ARHGAP39: variants seen among roughly 807,000 people sequenced by gnomAD.
The protein encoded by ARHGAP39 is rho GTPase-activating protein 39.
In ARHGAP39, 44 loss-of-function variants were observed where a neutral mutation model predicts 106.9. The observed-to-expected ratio is 0.41, with a 90% CI of 0.32 to 0.53. The LOEUF (loss-of-function observed/expected upper bound fraction) is 0.53. Ranked by LOEUF, ARHGAP39 falls within the 20% of genes least tolerant of loss-of-function variation. ARHGAP39 has a pLI of 0.21. For missense variants in ARHGAP39, 1,496 were observed against 1,577.3 expected (o/e 0.95, Z 0.87); for synonymous variants, 768 against 693.2 (o/e 1.11, Z -1.69).
upstream of ARHGAP39, among the ~76,000 whole-genome samples, chr8:144,690,212 A>G (rs555539076): frequency 6.6e-6 from 1 of 151,990 alleles, no homozygotes; most frequent in Non-Finnish European, 1.5e-5. Context: ...GCTAAGATTC[A>G]AGCGATTCTC....
chr8:144,581,847 G>A (rs531233255), intron 2 of ARHGAP39, among the ~76,000 whole-genome samples: 3 of 152,256 alleles, frequency 2.0e-5, no homozygotes, highest in Non-Finnish European at 2.9e-5. Flanking sequence ...TCAGACCCCC[G>A]CTGGGGGCAC....
In ARHGAP39 at chr8:144,548,806, G is replaced by A. The variant is rs752175898; in HGVS notation, c.597-317C>T. ...AGGGCCCTTAATGTGGGTGCTGTGCGGGTGTCTCCAGAGCTGCCTGAGCCG... is the reference window on the plus strand; with the variant it reads ...AGGGCCCTTAATGTGGGTGCTGTGCAGGTGTCTCCAGAGCTGCCTGAGCCG... On this transcript the variant is annotated intron_variant, in intron 4 of 11. Transcript: ENST00000377307. The surrounding 1 kb of genome is among the most constrained non-coding windows in gnomAD (Gnocchi z 7.4). Among the ~76,000 whole-genome samples, 63 of 152,288 alleles carry A rather than the reference G, an allele frequency of 4.1e-4. No homozygotes were observed. Among genetic ancestry groups the A allele is most frequent in the Non-Finnish European group, 7.5e-4 (51 of 68,020 alleles).
In ARHGAP39 at chr8:144,605,525, G is replaced by C; in HGVS notation, c.80+10C>G. The C allele has an allele frequency of 6.2e-7, 1 of 1,613,618 alleles. No individual in the cohort carries two copies. Among genetic ancestry groups the C allele is most frequent in the African/African-American group, 1.3e-5 (1 of 74,952 alleles). ...GCCCGGGCAGCTCCGCAGGTCGGTC[G>C]GCTCCTTACCGAGTGTTCGACCCTG... On this transcript the variant is annotated intron_variant, in intron 2 of 11. Transcript: ENST00000377307.
Position 144,653,084 on chromosome 8 carries a change from G to A in ARHGAP39, c.-82+32602C>T, listed in dbSNP as rs564693479. Reference sequence around the variant, plus strand: ...AGGCTGAGGCGGGCAGATCACCTGAGGTCAGGAGTTTGACGCCAGCCTGAT... The same window carrying A: ...AGGCTGAGGCGGGCAGATCACCTGAAGTCAGGAGTTTGACGCCAGCCTGAT... On this transcript the variant is annotated intron_variant, in intron 1 of 11. Transcript: ENST00000377307. Among the ~76,000 whole-genome samples, 4 of 152,270 alleles carry A rather than the reference G, an allele frequency of 2.6e-5. No individual in the cohort carries two copies. The South Asian group carries it at 8.3e-4, about 32-fold the overall frequency.
intron 1 of ARHGAP39, among the ~76,000 whole-genome samples, chr8:144,609,351 A>G (rs1461170943): frequency 1.3e-5 from 2 of 150,212 alleles, no homozygotes; most frequent in African/African-American, 4.9e-5. Flanking sequence ...TCTTAAACCA[A>G]TTACGTATTC....
chr8:144,662,444 C>T (rs1215629805), intron 1 of ARHGAP39, among the ~76,000 whole-genome samples: 2 of 142,370 alleles, frequency 1.4e-5, no homozygotes, highest in African/African-American at 5.3e-5. Context: ...GGCCGCTACC[C>T]GCCTCCCCAT....
intron 3 of ARHGAP39, among the ~76,000 whole-genome samples, chr8:144,557,166 C>G (rs980660247): frequency 4.2e-5 from 6 of 143,578 alleles, no homozygotes; most frequent in Admixed American, 2.0e-4. Flanking sequence ...GCTGAACCTT[C>G]GTAGTATTCA....
rs550718080 is a variant in ARHGAP39 at position 144,530,822 on chromosome 8, C to A, written c.3030G>T (p.Pro1010=). The A allele has an allele frequency of 4.3e-6, 7 of 1,611,550 alleles. No individual in the cohort carries two copies. The Admixed American group carries it at 6.7e-5, about 15-fold the overall frequency. The change falls in exon 11 of 12, where the codon CCG becomes CCT. Residue 1010 remains proline, a synonymous_variant. Transcript: ENST00000377307. The part of the protein sequence containing the change: ...WYRELEEPLI[P]HEFYEQCIAH... ...CGATGCACTGCTCGTAGAACTCGTG[C>A]GGGATCAGGGGCTCCTCCAGCTCCC...
rs770080314 is a variant in ARHGAP39, at chr8:144,646,066, G to A, written c.-82+39620C>T. Among the ~76,000 whole-genome samples the A allele has an allele frequency of 7.2e-5, 11 of 152,202 alleles. No individual in the cohort carries two copies. The highest frequency in any genetic ancestry group is 2.1e-4 in the South Asian group (1 of 4,830). On this transcript the variant is annotated intron_variant, in intron 1 of 11. Transcript: ENST00000377307. This position sits in a 1 kb window ranked among gnomAD's most constrained non-coding sequence, Gnocchi z 5.7. ...CCTGACCAGCAACCACCTGCTGGGCGTCCCCCGGAGCTGCACTGGTCACCC... is the reference window on the plus strand; with the variant it reads ...CCTGACCAGCAACCACCTGCTGGGCATCCCCCGGAGCTGCACTGGTCACCC...
At chr8:144,652,434 A>T (rs1009904785) in intron 1 of ARHGAP39, among the ~76,000 whole-genome samples, 20 of 152,178 alleles carry the variant, frequency 1.3e-4, no homozygotes, top group Admixed American at 4.6e-4. Context: ...AATATAAATC[A>T]TTCTACCATA....
In ARHGAP39 at chr8:144,591,884, C is replaced by A. The variant is rs749159396; in HGVS notation, c.81-10607G>T. Among the ~76,000 whole-genome samples the A allele has an allele frequency of 5.3e-5, 8 of 152,030 alleles. No individual in the cohort carries two copies. The highest frequency in any genetic ancestry group is 1.2e-4 in the African/African-American group (5 of 41,410). On this transcript the variant is annotated intron_variant, in intron 2 of 11. Transcript: ENST00000377307. This position sits in a 1 kb window ranked among gnomAD's most constrained non-coding sequence, Gnocchi z 5.3. Reference sequence around the variant, plus strand: ...GCGTCGCCTCGTCGCCTCGTGCCTGCGGGGAGTGCTGCCTGTGGGGAGTGG... The same window carrying A: ...GCGTCGCCTCGTCGCCTCGTGCCTGAGGGGAGTGCTGCCTGTGGGGAGTGG...
intron 4 of ARHGAP39, among the ~76,000 whole-genome samples, chr8:144,551,412 G>A (rs1817684813): frequency 6.6e-6 from 1 of 152,162 alleles, no homozygotes; most frequent in African/African-American, 2.4e-5. Context: ...AGGGGAGGAG[G>A]CTGGCACTGC....
chr8:144,580,756 T>TGGGGGGGGGGGGGGGG, intron 3 of ARHGAP39, 90 bp downstream of exon 3: 1 of 160,868 alleles, frequency 6.2e-6, no homozygotes, highest in East Asian at 1.8e-4. Flanking sequence ...CGCTCTCACC[T>TGGGGGGGGGGGGGGGG]GGCCCCGCCC....
intron 10 of ARHGAP39, 75 bp from the exon 11 acceptor site, chr8:144,530,946 A>G: frequency 6.6e-7 from 1 of 1,516,944 alleles, no homozygotes; most frequent in Non-Finnish European, 8.8e-7. Context: ...CGTGGCGGAC[A>G]TGCATGGAGG....
chr8:144,597,185 C>T (rs1819654145), intron 2 of ARHGAP39, among the ~76,000 whole-genome samples: 1 of 152,210 alleles, frequency 6.6e-6, no homozygotes, highest in Admixed American at 6.5e-5. Flanking sequence ...GTAACGAGGG[C>T]TCACAACAGC....
At chr8:144,601,153 C>G (rs1354348096) in intron 2 of ARHGAP39, among the ~76,000 whole-genome samples, 5 of 122,566 alleles carry the variant, frequency 4.1e-5, no homozygotes, top group Non-Finnish European at 8.3e-5. Flanking sequence ...TGCTCGTGTA[C>G]CTGTGTGTGT....
At chr8:144,588,070 C>T (rs1819250228) in intron 2 of ARHGAP39, among the ~76,000 whole-genome samples, 2 of 152,216 alleles carry the variant, frequency 1.3e-5, no homozygotes, top group South Asian at 2.1e-4. Flanking sequence ...CCCAGCCCCA[C>T]GGAAACAGCT....
chr8:144,584,573 G>C (rs1167927123), intron 2 of ARHGAP39, among the ~76,000 whole-genome samples: 1 of 152,114 alleles, frequency 6.6e-6, no homozygotes, highest in Non-Finnish European at 1.5e-5. Flanking sequence ...GATCAGCCTG[G>C]TCAACATGGT....
At chr8:144,609,463 A>G (rs1586612006) in intron 1 of ARHGAP39, among the ~76,000 whole-genome samples, 1 of 138,510 alleles carries the variant, frequency 7.2e-6, no homozygotes, top group Admixed American at 8.2e-5. Flanking sequence ...GGGCAGTGGC[A>G]TGATCTCGGC....
Sources: allele counts gnomAD v4.1 joint callset (sites outside exome capture counted in the v4.1 genomes callset), GRCh38; gene constraint gnomAD v4.1.1; non-coding constraint Gnocchi (gnomAD v3.1); transcripts MANE v1.5; gene names NCBI Gene and HGNC (gene_info 2026-07-23, HGNC 2026-07-21).